Variants in ERBB4 observed in about 807,000 individuals in gnomAD.
ERBB4 encodes the protein receptor tyrosine-protein kinase erbB-4.
Under a neutral mutation model 158.0 loss-of-function variants are expected in ERBB4, and 42 were observed. The observed-to-expected ratio is 0.27, with a 90% confidence interval of 0.21 to 0.34. The LOEUF is 0.34. ERBB4 is among the 10% of genes least tolerant of loss of function. The pLI is 1.00. For synonymous variants in ERBB4, 583 were observed against 558.7 expected, an observed-to-expected ratio of 1.04 and a Z score of -0.61; for missense variants, 1,333 against 1,624.1, an observed-to-expected ratio of 0.82 and a Z score of 3.08.
At chr2:211,802,701 A>G (rs1317066645) in intron 3 of ERBB4, among the ~76,000 whole-genome samples, 1 of 152,236 alleles carries the variant, frequency 6.6e-6, no homozygotes, top group Admixed American at 6.5e-5. Flanking sequence ...CTAAATTGCA[A>G]CTGAAGGAAG....
At chr2:211,399,973 A>G (rs1287428978) in intron 25 of ERBB4, among the ~76,000 whole-genome samples, 1 of 152,196 alleles carries the variant, frequency 6.6e-6, no homozygotes, top group Non-Finnish European at 1.5e-5. Flanking sequence ...AGGAAGGACC[A>G]TTTTAAAATT....
chr2:212,305,968 A>G (rs2086794921), intron 1 of ERBB4, among the ~76,000 whole-genome samples: 1 of 151,462 alleles, frequency 6.6e-6, no homozygotes. Flanking sequence ...AGCCAATGAT[A>G]TCTGTATAAG....
chr2:212,089,102 G>C (rs1251522363), intron 2 of ERBB4, among the ~76,000 whole-genome samples: 1 of 151,994 alleles, frequency 6.6e-6, no homozygotes, highest in Non-Finnish European at 1.5e-5. Flanking sequence ...ACAAAGGAAA[G>C]CAAATAGAAA....
At chr2:212,513,887 T>C (rs1243422699) in intron 1 of ERBB4, among the ~76,000 whole-genome samples, 2 of 152,190 alleles carry the variant, frequency 1.3e-5, no homozygotes, top group African/African-American at 4.8e-5. Flanking sequence ...GTCCCAAATC[T>C]GAAACTTGAA....
chr2:212,306,710 C>T (rs1162350933), intron 1 of ERBB4, among the ~76,000 whole-genome samples: 1 of 61,330 alleles, frequency 1.6e-5, no homozygotes, highest in Non-Finnish European at 5.7e-5. Flanking sequence ...TTTGGTGCTG[C>T]CACTTATTTT....
chr2:211,772,501 TA>T (rs1443718192), intron 4 of ERBB4, among the ~76,000 whole-genome samples: 1 of 151,832 alleles, frequency 6.6e-6, no homozygotes, highest in African/African-American at 2.4e-5. Flanking sequence ...GACTAATCCC[TA>T]AGGTCTGAAC....
chr2:211,755,625 G>A lies in ERBB4; in HGVS notation c.557-4921C>T, dbSNP rs1450274622. ...CAATGCATTATTCATCATGGAAGCTGGCAAACGTGACTAAGTTCATCTTTT... is the reference window on the plus strand; with the variant it reads ...CAATGCATTATTCATCATGGAAGCTAGCAAACGTGACTAAGTTCATCTTTT... On this transcript the variant is annotated intron_variant, in intron 4 of 27. Coordinates refer to ENST00000342788, the MANE Select transcript of ERBB4 (RefSeq NM_005235.3). Among the ~76,000 whole-genome samples the A allele has an allele frequency of 2.6e-5, 4 of 152,332 alleles. No individual in the cohort carries two copies. The East Asian group carries it at 5.8e-4, about 22-fold the overall frequency.
intron 3 of ERBB4, among the ~76,000 whole-genome samples, chr2:211,911,195 C>G (rs1478043952): frequency 6.6e-6 from 1 of 152,036 alleles, no homozygotes; most frequent in Non-Finnish European, 1.5e-5. Flanking sequence ...TTTGAAGAGC[C>G]CGACAGTCTT....
chr2:211,997,640 C>T (rs1433429237), intron 2 of ERBB4, among the ~76,000 whole-genome samples: 2 of 151,884 alleles, frequency 1.3e-5, no homozygotes, highest in Non-Finnish European at 2.9e-5. Flanking sequence ...AAATTAGGTG[C>T]CACAGCTTAA....
intron 3 of ERBB4, among the ~76,000 whole-genome samples, chr2:211,888,183 A>T (rs73073341): frequency 0.14 from 21,402 of 152,184 alleles, 1,863 homozygotes; most frequent in African/African-American, 0.24. Flanking sequence ...CTAACAATGA[A>T]AACACTTTTC....
At chr2:212,127,685 G>C (rs921043059) in intron 1 of ERBB4, among the ~76,000 whole-genome samples, 1 of 151,854 alleles carries the variant, frequency 6.6e-6, no homozygotes, top group African/African-American at 2.4e-5. Context: ...TTCTTTTTTC[G>C]ATGTGGACCA....
At chr2:212,285,685 G>A (rs995790822) in intron 1 of ERBB4, among the ~76,000 whole-genome samples, 2 of 151,982 alleles carry the variant, frequency 1.3e-5, no homozygotes, top group African/African-American at 4.8e-5. Flanking sequence ...TTAAAAATGA[G>A]GACTTACAAT....
chr2:211,803,998 T>A (rs2105897054), intron 3 of ERBB4, among the ~76,000 whole-genome samples: 1 of 152,328 alleles, frequency 6.6e-6, no homozygotes, highest in East Asian at 1.9e-4. Context: ...TGTCATCATT[T>A]GTTGCAATGG....
intron 1 of ERBB4, among the ~76,000 whole-genome samples, chr2:212,168,960 A>T (rs1300639253): frequency 6.6e-6 from 1 of 152,192 alleles, no homozygotes; most frequent in Non-Finnish European, 1.5e-5. Flanking sequence ...ATATGTGACA[A>T]AATAAAATGA....
intron 12 of ERBB4, among the ~76,000 whole-genome samples, chr2:211,689,651 CAA>C (rs1426389905): frequency 1.3e-5 from 2 of 152,024 alleles, no homozygotes. Context: ...ATATAATAGA[CAA>C]AGTTATAAAA....
At chr2:211,388,087 C>A in intron 25 of ERBB4, 95 bp from the exon 26 acceptor site, 1 of 905,766 alleles carries the variant, frequency 1.1e-6, no homozygotes, top group South Asian at 1.4e-5. Flanking sequence ...CCACATGGGT[C>A]GTATGAACCA....
intron 2 of ERBB4, among the ~76,000 whole-genome samples, chr2:211,999,507 G>A (rs1559284155): frequency 6.6e-6 from 1 of 151,764 alleles, no homozygotes; most frequent in Non-Finnish European, 1.5e-5. Flanking sequence ...TTTAATTTCA[G>A]TTAGCTACAG....
intron 1 of ERBB4, among the ~76,000 whole-genome samples, chr2:212,206,727 C>T (rs937082134): frequency 8.6e-5 from 13 of 151,748 alleles, no homozygotes; most frequent in Admixed American, 7.9e-4. Context: ...GCTGGGACTA[C>T]AGGGGCCCGC....
At chr2:211,896,540 C>A (rs528930462) in intron 3 of ERBB4, among the ~76,000 whole-genome samples, 2 of 152,178 alleles carry the variant, frequency 1.3e-5, no homozygotes, top group South Asian at 4.1e-4. Context: ...TAATGGATTT[C>A]TTTATTTCTA....
Sources: gnomAD v4.1 joint callset for allele counts (sites outside exome capture counted in the v4.1 genomes callset) on GRCh38, gnomAD v4.1.1 for gene constraint, MANE v1.5 for transcripts, NCBI Gene and HGNC (gene_info 2026-07-23, HGNC 2026-07-21) for gene names.